The following KIF13A variants were observed in gnomAD, a reference collection of about 807,000 sequenced individuals.
The protein encoded by KIF13A is kinesin-like protein KIF13A.
In KIF13A, 79 loss-of-function variants were observed where a neutral mutation model predicts 212.2. That is an observed-to-expected ratio of 0.37 (90% confidence interval 0.31 to 0.45). KIF13A has a LOEUF of 0.45. Ranked by LOEUF, KIF13A falls within the 20% of genes least tolerant of loss-of-function variation. The pLI is 1.00. For missense variants in KIF13A, 1,901 were observed against 2,209.0 expected, an observed-to-expected ratio of 0.86 and a Z score of 2.79; for synonymous variants, 789 against 808.6, an observed-to-expected ratio of 0.98 and a Z score of 0.41.
At position 17,764,771 on chromosome 6, in the gene KIF13A, A is replaced by G. The variant is rs530891053; in HGVS notation, c.4757T>C (p.Val1586Ala). Residue 1586 changes from valine to alanine, a missense_variant, in exon 39 of 39, where the codon GTG (valine) becomes GCG (alanine). Transcript: ENST00000259711. This position sits in a 1 kb window ranked among gnomAD's most constrained non-coding sequence, Gnocchi z 5.1. ...ACTGCTGGTGGTAGGGCTACGGGAC[A>G]CTTCTTTCTCCAAGACCCGTGAGTT... The part of the protein sequence containing the change: ...LSNSRVLEKE[V>A]SRSPTTSSIT... The G allele has an allele frequency of 2.5e-6, 4 of 1,613,128 alleles. No homozygotes were observed. The highest frequency in any genetic ancestry group is 2.2e-5 in the South Asian group (2 of 90,872).
rs1759828779 is a variant in KIF13A at position 17,775,068 on chromosome 6, A to G, written c.4171-6T>C. On this transcript the variant is annotated splice_polypyrimidine_tract_variant and splice_region_variant and intron_variant, in intron 34 of 38. Transcript: ENST00000259711. ...TCCGGTCGGCTGGAAGAGACCTATA[A>G]GAGAAGAATGGTTTTAGCAATGTGG... 6.2e-7 allele frequency: 1 copy of G among 1,609,382 alleles called. No individual in the cohort carries two copies. Among genetic ancestry groups the G allele is most frequent in the Admixed American group, 1.7e-5 (1 of 59,546 alleles).
chr6:17,847,165 AG>A (rs1197736968), intron 9 of KIF13A, among the ~76,000 whole-genome samples: 1 of 152,216 alleles, frequency 6.6e-6, no homozygotes, highest in African/African-American at 2.4e-5. Context: ...CAGACTTTCT[AG>A]TGTGATCCCA....
intron 2 of KIF13A, among the ~76,000 whole-genome samples, chr6:17,907,786 A>C (rs1198954690): frequency 6.6e-6 from 1 of 152,236 alleles, no homozygotes; most frequent in African/African-American, 2.4e-5. Flanking sequence ...TGTAATTGAG[A>C]GCCATACAGC....
intron 16 of KIF13A, among the ~76,000 whole-genome samples, chr6:17,818,503 C>T (rs1764147911): frequency 6.6e-6 from 1 of 152,136 alleles, no homozygotes. Context: ...CAAAAAGAAT[C>T]AATTTTTTTA....
rs1765719620 is a variant in KIF13A, at chr6:17,834,198, T to G, written c.1156-127A>C. ...TGGAAAAAATTAAGTTATATGCTGT[T>G]AGGGTGGGTTTTTAACCTTTATTAA... is the stretch of plus-strand genomic sequence containing the variant. On this transcript the variant is annotated intron_variant, in intron 11 of 38. Transcript: ENST00000259711. This position sits in a 1 kb window ranked among gnomAD's most constrained non-coding sequence, Gnocchi z 4.0. 1 of 575,812 alleles carries G rather than the reference T, an allele frequency of 1.7e-6. No individual in the cohort carries two copies. The highest frequency in any genetic ancestry group is 2.5e-5 in the South Asian group (1 of 40,650). The allele number at this position is 575,812 out of a possible 1,614,324, so 35.7% of individuals were successfully genotyped here. A position where few individuals can be genotyped will look rare whatever the true frequency, so the allele number is the denominator to read the frequency against.
intron 3 of KIF13A, among the ~76,000 whole-genome samples, chr6:17,876,294 G>A (rs888468419): frequency 2.0e-5 from 3 of 152,072 alleles, no homozygotes; most frequent in African/African-American, 7.2e-5. Flanking sequence ...CTTTGGCCTG[G>A]CATTTGAGAC....
chr6:17,781,453 G>C (rs984372208), intron 29 of KIF13A, among the ~76,000 whole-genome samples, 152 bp from the exon 30 acceptor site: 1 of 151,864 alleles, frequency 6.6e-6, no homozygotes, highest in Non-Finnish European at 1.5e-5. Flanking sequence ...TTGAAATAGA[G>C]ACTCCAAGAC....
chr6:17,959,148 T>C (rs1177031046), intron 2 of KIF13A, among the ~76,000 whole-genome samples: 2 of 152,122 alleles, frequency 1.3e-5, no homozygotes, highest in Non-Finnish European at 2.9e-5. Flanking sequence ...GTAAGTCATA[T>C]ATAGGTCACT....
intron 30 of KIF13A, 35 bp downstream of exon 30, chr6:17,781,142 T>C: frequency 6.2e-7 from 1 of 1,613,230 alleles, no homozygotes; most frequent in Non-Finnish European, 8.5e-7. Flanking sequence ...TGTGCTAATC[T>C]GAAGCCTTTT....
intron 2 of KIF13A, among the ~76,000 whole-genome samples, chr6:17,910,479 T>C (rs564983374): frequency 1.3e-5 from 2 of 152,374 alleles, no homozygotes; most frequent in East Asian, 1.9e-4. Flanking sequence ...TTATTACCAA[T>C]GTAAGAGGTA....
chr6:17,879,017 T>C (rs879349630), intron 3 of KIF13A, among the ~76,000 whole-genome samples: 3 of 152,186 alleles, frequency 2.0e-5, no homozygotes, highest in Non-Finnish European at 2.9e-5. Context: ...TTATTAAACA[T>C]TTACTAGGAA....
In KIF13A at chr6:17,849,289, T is replaced by C. The variant is rs1345964349; in HGVS notation, c.830+88A>G. 5.8e-6 allele frequency: 5 copies of C among 857,724 alleles called. No homozygotes were observed. The highest frequency in any genetic ancestry group is 9.3e-6 in the Non-Finnish European group (5 of 540,066). 53.1% of individuals were successfully genotyped at this position (857,724 alleles called of 1,614,324 possible). ...AAAGCTATACAGACTTTAAACAACCTGTACATCAGAACCATCTGACCCTCA... is the reference window on the plus strand; with the variant it reads ...AAAGCTATACAGACTTTAAACAACCCGTACATCAGAACCATCTGACCCTCA... On this transcript the variant is annotated intron_variant, in intron 9 of 38. Transcript: ENST00000259711. This position sits in a 1 kb window ranked among gnomAD's most constrained non-coding sequence, Gnocchi z 5.7.
chr6:17,938,526 G>A (rs923073690), intron 2 of KIF13A, among the ~76,000 whole-genome samples: 8 of 152,140 alleles, frequency 5.3e-5, no homozygotes, highest in East Asian at 1.9e-4. Flanking sequence ...CTCACCTAAC[G>A]AAGAATTGGG....
At chr6:17,779,193 A>C in intron 32 of KIF13A, 94 bp from the exon 33 acceptor site, 1 of 871,676 alleles carries the variant, frequency 1.1e-6, no homozygotes. Flanking sequence ...CTGGAGAATG[A>C]ACACATTCTC....
In KIF13A at chr6:17,826,598, GAC is replaced by G. The variant is rs144226666; in HGVS notation, c.1533-476_1533-475del. 6.6e-6 allele frequency among the ~76,000 whole-genome samples: 1 copy of G among 151,250 alleles called. No homozygotes were observed. The highest frequency in any genetic ancestry group is 2.4e-5 in the African/African-American group (1 of 41,208). ...AGGCAGAGAGAGACAGGGATAAACAGACACACACACACACAGAAGAGAGGAAG... is the reference window on the plus strand; with the variant it reads ...AGGCAGAGAGAGACAGGGATAAACAGACACACACACACAGAAGAGAGGAAG... On this transcript the variant is annotated intron_variant, in intron 14 of 38. Transcript: ENST00000259711. This position sits in a 1 kb window ranked among gnomAD's most constrained non-coding sequence, Gnocchi z 4.7.
chr6:17,824,315 A>C (rs1475496801), intron 16 of KIF13A, among the ~76,000 whole-genome samples: 1 of 152,200 alleles, frequency 6.6e-6, no homozygotes, highest in South Asian at 2.1e-4. Context: ...AGAATCCCCA[A>C]TTTGATATGC....
rs903520439 is a variant in KIF13A at position 17,982,945 on chromosome 6, C to A, written c.146+4109G>T. On this transcript the variant is annotated intron_variant, in intron 2 of 38. Coordinates refer to ENST00000259711, the MANE Select transcript of KIF13A (RefSeq NM_022113.6). The surrounding 1 kb of genome is among the most constrained non-coding windows in gnomAD (Gnocchi z 5.1). ...CAGCACTTTGGGAGGCCGAGGCAGG[C>A]GGATTACAAGGTCAGGAGTTTGAGA... Among the ~76,000 whole-genome samples, 2 of 151,746 alleles carry A rather than the reference C, an allele frequency of 1.3e-5. No individual in the cohort carries two copies. The highest frequency in any genetic ancestry group is 2.9e-5 in the Non-Finnish European group (2 of 67,958).
intron 25 of KIF13A, among the ~76,000 whole-genome samples, chr6:17,791,014 C>T (rs188181462): frequency 2.0e-5 from 3 of 151,690 alleles, no homozygotes; most frequent in East Asian, 3.9e-4. Context: ...TCCTTATAAA[C>T]GAGAACCTAG....
At chr6:17,932,136 A>G (rs1389612378) in intron 2 of KIF13A, among the ~76,000 whole-genome samples, 1 of 152,084 alleles carries the variant, frequency 6.6e-6, no homozygotes, top group African/African-American at 2.4e-5. Flanking sequence ...AAGTTTGAGA[A>G]CCACCGACAC....
Sources: gnomAD v4.1 joint callset for allele counts (sites outside exome capture counted in the v4.1 genomes callset) on GRCh38, gnomAD v4.1.1 for gene constraint, Gnocchi (gnomAD v3.1) non-coding constraint, MANE v1.5 for transcripts, NCBI Gene and HGNC (gene_info 2026-07-23, HGNC 2026-07-21) for gene names.